The following DCDC2C variants were observed in gnomAD, a reference collection of about 807,000 sequenced individuals.
DCDC2C encodes doublecortin domain containing 2C.
Under a neutral mutation model 45.0 loss-of-function variants are expected in DCDC2C, and 44 were observed. That is an observed-to-expected ratio of 0.98 (90% CI 0.77 to 1.26). The LOEUF (loss-of-function observed/expected upper bound fraction) is 1.26, where lower values mean the gene tolerates loss of function less well. DCDC2C is among the 50% of genes most tolerant of loss of function. The pLI is 0.00. For missense variants in DCDC2C, 447 were observed against 468.9 expected (o/e 0.95, Z 0.43); for synonymous variants, 187 against 178.8 (o/e 1.05, Z -0.37).
chr2:3,807,378 G>C (rs1264612115), intron 10 of DCDC2C, among the ~76,000 whole-genome samples: 1 of 152,148 alleles, frequency 6.6e-6, no homozygotes, highest in Non-Finnish European at 1.5e-5. Flanking sequence ...GTATAGCTCT[G>C]TAAAGTCTGT....
chr2:3,760,986 G>C (rs1020906334), intron 6 of DCDC2C, among the ~76,000 whole-genome samples: 1 of 152,092 alleles, frequency 6.6e-6, no homozygotes, highest in Non-Finnish European at 1.5e-5. Flanking sequence ...TCAAATATTT[G>C]AGCATTGGAA....
chr2:3,825,192 T>C (rs75609085), intron 10 of DCDC2C, among the ~76,000 whole-genome samples: 15,218 of 152,176 alleles, frequency 0.1, 1,031 homozygotes, highest in East Asian at 0.29. Context: ...CGGTGAAGTC[T>C]GCAGAAAATA....
intron 3 of DCDC2C, 137 bp downstream of exon 3, chr2:3,727,216 CACTTCCTG>C: frequency 1.5e-6 from 1 of 649,988 alleles, no homozygotes. Flanking sequence ...CTTGTGCTCT[CACTTCCTG>C]ACAGGTGATT....
chr2:3,752,966 C>G, intron 5 of DCDC2C, 66 bp downstream of exon 5: 1 of 1,489,756 alleles, frequency 6.7e-7, no homozygotes, highest in Non-Finnish European at 9.1e-7. Context: ...CCCAGTATCT[C>G]TCCCAAATAG....
chr2:3,704,904 G>T (rs1572543916), intron 1 of DCDC2C, among the ~76,000 whole-genome samples: 1 of 152,186 alleles, frequency 6.6e-6, no homozygotes, highest in South Asian at 2.1e-4. Context: ...TCCCATTATT[G>T]CAGCCTGTGT....
At chr2:3,749,086 A>G (rs976819565) in intron 4 of DCDC2C, among the ~76,000 whole-genome samples, 5 of 152,368 alleles carry the variant, frequency 3.3e-5, no homozygotes, top group South Asian at 2.1e-4. Flanking sequence ...GAAAACAGCC[A>G]AATTGGCTGT....
In DCDC2C at chr2:3,763,329, G is replaced by A. The variant is rs543770080; in HGVS notation, c.727-4425G>A. On this transcript the variant is annotated intron_variant, in intron 6 of 10. Transcript: ENST00000399143. ...AGAGACCTGAGACCACACAGCTGAC[G>A]TGGTGGGCCCGCGACCCAGCGCTGG... is the stretch of plus-strand genomic sequence containing the variant. Among the ~76,000 whole-genome samples the A allele has an allele frequency of 2.0e-5, 3 of 152,308 alleles. No individual in the cohort carries two copies. In the East Asian group the frequency reaches 5.8e-4, roughly 29 times the overall value.
intron 10 of DCDC2C, among the ~76,000 whole-genome samples, chr2:3,813,799 A>G (rs1017058401): frequency 5.5e-5 from 7 of 126,900 alleles, no homozygotes; most frequent in Non-Finnish European, 9.5e-5. Context: ...TTTTGAGCCT[A>G]TGTGTGTCTT....
At chr2:3,798,461 A>G (rs1671022052) in intron 10 of DCDC2C, among the ~76,000 whole-genome samples, 1 of 149,608 alleles carries the variant, frequency 6.7e-6, no homozygotes, top group Non-Finnish European at 1.5e-5. Context: ...GTTTCTTCCT[A>G]GTCTCGATGG....
At chr2:3,766,253 T>C in intron 6 of DCDC2C, among the ~76,000 whole-genome samples, 1 of 151,988 alleles carries the variant, frequency 6.6e-6, no homozygotes, top group Non-Finnish European at 1.5e-5. Context: ...CTTTGAGTAC[T>C]ATTCCAGAGA....
chr2:3,784,683 C>T (rs969443069), intron 9 of DCDC2C, among the ~76,000 whole-genome samples: 4 of 151,762 alleles, frequency 2.6e-5, no homozygotes, highest in African/African-American at 9.7e-5. Flanking sequence ...GAATACAATA[C>T]AGCTGTGAAA....
intron 3 of DCDC2C, among the ~76,000 whole-genome samples, chr2:3,733,378 G>A (rs1668929003): frequency 1.3e-5 from 2 of 152,220 alleles, no homozygotes; most frequent in South Asian, 4.1e-4. Context: ...GATGAGTCAG[G>A]TGTAAACCAC....
chr2:3,769,212 G>T, intron 7 of DCDC2C, 99 bp from the exon 8 acceptor site: 1 of 1,167,498 alleles, frequency 8.6e-7, no homozygotes, highest in Non-Finnish European at 1.2e-6. Context: ...GAAGCTCCAG[G>T]ATGCCCGGCT....
rs559612411 is a variant in DCDC2C at position 3,718,400 on chromosome 2, G to A, written c.340-8603G>A. ...TTAGAGTCAGCAATTTTGGAGGCAT[G>A]GAGAGCATCAGTTCTCCTTATATTT... On this transcript the variant is annotated intron_variant, in intron 2 of 10. Transcript: ENST00000399143. 1.1e-4 allele frequency among the ~76,000 whole-genome samples: 16 copies of A among 152,282 alleles called. No homozygotes were observed. The East Asian group carries it at 3.1e-3, about 29-fold the overall frequency.
chr2:3,840,592 C>T (rs1002411694), intron 10 of DCDC2C, among the ~76,000 whole-genome samples: 5 of 152,174 alleles, frequency 3.3e-5, no homozygotes, highest in Admixed American at 3.3e-4. Flanking sequence ...TGGTTACTTT[C>T]CAGTAATTCT....
chr2:3,763,266 C>T lies in DCDC2C; in HGVS notation c.727-4488C>T, dbSNP rs149701383. ...AGTGTTGTGGTCCCCAGCACAGCCC[C>T]AGGAGGCAGGCACCATCTCCATTCT... On this transcript the variant is annotated intron_variant, in intron 6 of 10. Coordinates refer to ENST00000399143, the MANE Select transcript of DCDC2C (RefSeq NM_001287444.2). Among the ~76,000 whole-genome samples the T allele has an allele frequency of 4.2e-3, 632 of 152,244 alleles. 3 individuals carry two copies. Among genetic ancestry groups the T allele is most frequent in the African/African-American group, 0.013 (543 of 41,530 alleles).
intron 4 of DCDC2C, among the ~76,000 whole-genome samples, chr2:3,750,738 CT>C (rs1669520774): frequency 6.6e-6 from 1 of 152,152 alleles, no homozygotes; most frequent in South Asian, 2.1e-4. Context: ...TCCATGGACT[CT>C]TTTACCTGTG....
intron 3 of DCDC2C, among the ~76,000 whole-genome samples, chr2:3,736,554 C>T (rs568786759): frequency 4.4e-4 from 67 of 152,198 alleles, no homozygotes; most frequent in African/African-American, 1.5e-3. Flanking sequence ...TTGTGATGAG[C>T]AGAGGGGTAG....
At chr2:3,742,412 G>T (rs34913131) in intron 4 of DCDC2C, among the ~76,000 whole-genome samples, 2,703 of 152,246 alleles carry the variant, frequency 0.018, 77 homozygotes, top group African/African-American at 0.062. Flanking sequence ...GCCAGGCCTG[G>T]GGGAGCTGGT....
Sources: gnomAD v4.1 joint callset for allele counts (sites outside exome capture counted in the v4.1 genomes callset) on GRCh38, gnomAD v4.1.1 for gene constraint, MANE v1.5 for transcripts, NCBI Gene and HGNC (gene_info 2026-07-23, HGNC 2026-07-21) for gene names.